NSUN2: variants seen among roughly 807,000 people sequenced by gnomAD.
NSUN2 encodes the protein NOP2/Sun RNA methyltransferase 2.
Under a neutral mutation model 92.7 loss-of-function variants are expected in NSUN2, and 63 were observed. The ratio of observed to expected loss-of-function variants is 0.68; its 90% CI spans 0.56 to 0.84. The LOEUF is 0.84. Ranked by LOEUF, NSUN2 falls within the 40% of genes least tolerant of loss-of-function variation. The pLI is 0.00. For synonymous variants in NSUN2, 356 were observed against 348.3 expected (o/e 1.02, Z -0.25); for missense variants, 989 against 964.9 (o/e 1.02, Z -0.33).
chr5:6,607,574 G>A (rs917827592), intron 12 of NSUN2, among the ~76,000 whole-genome samples, 190 bp from the exon 13 acceptor site: 5 of 152,130 alleles, frequency 3.3e-5, no homozygotes, highest in Non-Finnish European at 7.3e-5. Flanking sequence ...AAAATTCATG[G>A]ACAGTTTCTT....
At chr5:6,617,273 C>T (rs975298966) in intron 8 of NSUN2, among the ~76,000 whole-genome samples, 21 of 152,040 alleles carry the variant, frequency 1.4e-4, no homozygotes, top group Admixed American at 9.8e-4. Context: ...TTTATGGAGA[C>T]GAGGCCTCCT....
chr5:6,631,263 G>A (rs1365787534), intron 3 of NSUN2, among the ~76,000 whole-genome samples: 1 of 152,162 alleles, frequency 6.6e-6, no homozygotes, highest in African/African-American at 2.4e-5. Context: ...GATGCTATCA[G>A]CACAAGGGAT....
intron 3 of NSUN2, among the ~76,000 whole-genome samples, chr5:6,629,626 C>T (rs757693277): frequency 3.3e-5 from 5 of 152,306 alleles, no homozygotes; most frequent in Non-Finnish European, 4.4e-5. Flanking sequence ...CAAACATGCC[C>T]GAGGAGAATC....
In NSUN2 at chr5:6,632,635, G is replaced by C; in HGVS notation, c.218C>G (p.Pro73Arg). Residue 73 changes from proline (P) to arginine (R), a missense_variant, in exon 2 of 19, where the codon CCG becomes CGG. This residue lies in a region of NSUN2 where 356 missense variants were observed against 338.6 expected (regional missense o/e 1.05). Transcript: ENST00000264670. ...WGQFMDALRE[P>R]LPATLRITGY... is the part of the protein sequence containing the mutation. ...AGTAATTCTTAAAGTGGCCGGGAGC[G>C]GCTCCCTGAGAGCGTCCATGAACTG... 6.2e-7 allele frequency: 1 copy of C among 1,614,172 alleles called. No homozygotes were observed. Among genetic ancestry groups the C allele is most frequent in the South Asian group, 1.1e-5 (1 of 91,078 alleles).
intron 4 of NSUN2, among the ~76,000 whole-genome samples, chr5:6,623,515 C>T (rs1737543351): frequency 6.6e-6 from 1 of 152,128 alleles, no homozygotes; most frequent in African/African-American, 2.4e-5. Flanking sequence ...ATACCAACTT[C>T]CATGAAAGAA....
chr5:6,602,612 AAAT>A, intron 17 of NSUN2, 112 bp from the exon 18 acceptor site: 1 of 999,112 alleles, frequency 1.0e-6, no homozygotes. Context: ...AGAAAACAAC[AAAT>A]AATCTACATT....
At chr5:6,602,554 C>T (rs1042245989) in intron 17 of NSUN2, 54 bp from the exon 18 acceptor site, 18 of 1,504,122 alleles carry the variant, frequency 1.2e-5, no homozygotes, top group Admixed American at 1.7e-5. Flanking sequence ...TGGATGCATG[C>T]GCTGAGCACA....
At chr5:6,606,427 G>A (rs1736773046) in intron 14 of NSUN2, among the ~76,000 whole-genome samples, 1 of 152,146 alleles carries the variant, frequency 6.6e-6, no homozygotes. Context: ...GGGACTACAG[G>A]TGCCCGCCAC....
At chr5:6,629,066 A>G (rs1320107763) in intron 3 of NSUN2, among the ~76,000 whole-genome samples, 1 of 152,172 alleles carries the variant, frequency 6.6e-6, no homozygotes, top group African/African-American at 2.4e-5. Flanking sequence ...TAGAGAAACC[A>G]TCATTGATAA....
chr5:6,613,557 T>C (rs1387043102), intron 9 of NSUN2, among the ~76,000 whole-genome samples: 4 of 152,218 alleles, frequency 2.6e-5, no homozygotes, highest in African/African-American at 9.6e-5. Flanking sequence ...CTGTCTCCTT[T>C]CTTGTCTTGC....
intron 8 of NSUN2, 47 bp from the exon 9 acceptor site, chr5:6,616,904 G>A (rs369879509): frequency 1.3e-5 from 21 of 1,558,358 alleles, no homozygotes; most frequent in African/African-American, 8.2e-5. Context: ...TATCCATGAA[G>A]TGCACATATT....
intron 3 of NSUN2, among the ~76,000 whole-genome samples, chr5:6,627,780 A>T (rs1737715359): frequency 6.6e-6 from 1 of 152,224 alleles, no homozygotes; most frequent in Non-Finnish European, 1.5e-5. Context: ...TTTCTTATAC[A>T]GCTTTAGGAA....
intron 2 of NSUN2, 77 bp downstream of exon 2, chr5:6,632,522 G>C (rs1312689315): frequency 1.3e-6 from 2 of 1,529,286 alleles, no homozygotes; most frequent in African/African-American, 2.7e-5. Context: ...TGTAACACTT[G>C]TCGAAGAAAA....
chr5:6,621,575 C>T (rs373656380), intron 6 of NSUN2: 5 of 153,992 alleles, frequency 3.2e-5, no homozygotes, highest in South Asian at 2.0e-4. Flanking sequence ...GGTGAAACCC[C>T]GTCTCTACTA....
At position 6,632,929 on chromosome 5, in the gene NSUN2, C is replaced by T. The variant is rs10062086; in HGVS notation, c.51G>A (p.Glu17=). The T allele has an allele frequency of 0.36, 540,465 of 1,511,566 alleles. 99,578 individuals carry two copies. Among genetic ancestry groups the T allele is most frequent in the Middle Eastern group, 0.39 (1,679 of 4,296 alleles). 93.6% of individuals were successfully genotyped at this position (1,511,566 alleles called of 1,614,324 possible). A position where few individuals can be genotyped will look rare whatever the true frequency, so the allele number is the denominator to read the frequency against. ...CACCCTCGGCGCCATCCTCCGCGTC[C>T]TCCGGCCGCTGCTGTTGCTGGAGCC... The part of the protein sequence containing the change: ...GRRLQQQQRP[E]DAEDGAEGGG... The change falls in exon 1 of 19, where the codon GAG becomes GAA. Residue 17 remains glutamate (E), a synonymous_variant. Coordinates refer to ENST00000264670, the MANE Select transcript of NSUN2 (RefSeq NM_017755.6).
chr5:6,605,085 T>C, intron 15 of NSUN2, 188 bp downstream of exon 15: 1 of 764,902 alleles, frequency 1.3e-6, no homozygotes, highest in Non-Finnish European at 2.1e-6. Context: ...TTCAGGACTC[T>C]GGCAGGAACC....
chr5:6,615,466 C>T (rs1241645146), intron 9 of NSUN2, among the ~76,000 whole-genome samples: 2 of 152,246 alleles, frequency 1.3e-5, no homozygotes, highest in Non-Finnish European at 2.9e-5. Context: ...TACTCCCCCT[C>T]ACACACCTTT....
intron 15 of NSUN2, chr5:6,605,024 T>C (rs573259934): frequency 3.3e-6 from 2 of 601,770 alleles, no homozygotes; most frequent in Non-Finnish European, 5.8e-6. Context: ...AACTACACCA[T>C]GGCTCACCCC....
chr5:6,615,511 G>A (rs1338108973), intron 9 of NSUN2, among the ~76,000 whole-genome samples: 1 of 152,200 alleles, frequency 6.6e-6, no homozygotes, highest in Non-Finnish European at 1.5e-5. Flanking sequence ...TGGCAATTAT[G>A]ACCATGCAAG....
Sources: allele counts gnomAD v4.1 joint callset (sites outside exome capture counted in the v4.1 genomes callset), GRCh38; gene constraint gnomAD v4.1.1; regional missense constraint gnomAD v4.1.1; transcripts MANE v1.5; gene names NCBI Gene and HGNC (gene_info 2026-07-23, HGNC 2026-07-21).